The following TULP4 variants were observed in gnomAD, a reference collection of about 807,000 sequenced individuals.
The protein encoded by TULP4 is tubby-related protein 4.
TULP4 carries 16 observed loss-of-function variants against 129.0 expected under a neutral mutation model. The observed-to-expected ratio is 0.12, with a 90% confidence interval of 0.08 to 0.19. TULP4 has a LOEUF of 0.19. Among genes scored for constraint, TULP4 ranks in the 10% least tolerant of loss-of-function variants. The pLI is 1.00. For missense variants in TULP4, 1,842 were observed against 2,059.1 expected (o/e 0.89, Z 2.04); for synonymous variants, 998 against 854.0 (o/e 1.17, Z -2.94).
chr6:158,449,240 G>C lies in TULP4; in HGVS notation c.724+64G>C. 2.0e-6 allele frequency: 3 copies of C among 1,497,898 alleles called. No homozygotes were observed. In the South Asian group the frequency reaches 4.0e-5, roughly 20 times the overall value. The allele number at this position is 1,497,898 out of a possible 1,614,324, so 92.8% of individuals were successfully genotyped here. A position where few individuals can be genotyped will look rare whatever the true frequency, so the allele number is the denominator to read the frequency against. On this transcript the variant is annotated intron_variant, in intron 4 of 13. Coordinates refer to ENST00000367097, the MANE Select transcript of TULP4 (RefSeq NM_020245.5). ...GGACAAGGAAGGGCATCGGAGCAGA[G>C]TAGACTGATGTGGAGGAGGGAGGGT...
At chr6:158,311,929 C>T (rs1183524098), upstream of TULP4, 13 of 391,474 alleles carry the variant, frequency 3.3e-5, no homozygotes, top group Admixed American at 2.7e-4. Flanking sequence ...CAGTCAGTAG[C>T]TCCATTTGAT....
intron 1 of TULP4, among the ~76,000 whole-genome samples, chr6:158,388,564 C>T (rs550733269): frequency 5.3e-5 from 8 of 150,714 alleles, no homozygotes; most frequent in Admixed American, 6.6e-5. Flanking sequence ...CTCCTGACCT[C>T]GTGATCCACC....
At chr6:158,371,677 A>T (rs1250186775) in intron 1 of TULP4, among the ~76,000 whole-genome samples, 5 of 152,230 alleles carry the variant, frequency 3.3e-5, no homozygotes, top group Non-Finnish European at 1.5e-5. Flanking sequence ...AAGGCCAAAT[A>T]CTTTAAGATA....
intron 1 of TULP4, among the ~76,000 whole-genome samples, chr6:158,267,568 CTG>C (rs774350286): frequency 3.3e-4 from 51 of 152,306 alleles, no homozygotes; most frequent in Non-Finnish European, 5.9e-4. Context: ...TGTTAGGCCT[CTG>C]TGTACAGTTA....
At chr6:158,352,121 G>T (rs1353941631) in intron 1 of TULP4, among the ~76,000 whole-genome samples, 1 of 152,064 alleles carries the variant, frequency 6.6e-6, no homozygotes, top group East Asian at 1.9e-4. Context: ...TTCTTTTGGG[G>T]CTGCAGTCTC....
chr6:158,497,935 G>A (rs1243665723), intron 11 of TULP4, among the ~76,000 whole-genome samples: 1 of 152,130 alleles, frequency 6.6e-6, no homozygotes, highest in Non-Finnish European at 1.5e-5. Context: ...AAGTTCACAG[G>A]GCAGTTTCAC....
intron 5 of TULP4, among the ~76,000 whole-genome samples, chr6:158,457,334 C>T (rs528995069): frequency 4.6e-5 from 7 of 152,254 alleles, no homozygotes; most frequent in Non-Finnish European, 1.0e-4. Flanking sequence ...TGGTCCCTGC[C>T]CAGGCCTCTT....
intron 1 of TULP4, among the ~76,000 whole-genome samples, chr6:158,261,883 T>C (rs916051408): frequency 1.3e-5 from 2 of 151,748 alleles, no homozygotes; most frequent in Admixed American, 6.6e-5. Context: ...AAAGAGAGGG[T>C]GGGAAGGGCA....
intron 1 of TULP4, among the ~76,000 whole-genome samples, chr6:158,370,180 G>A (rs953698645): frequency 5.9e-5 from 9 of 152,046 alleles, no homozygotes; most frequent in African/African-American, 9.7e-5. Context: ...CCACTGGCCC[G>A]GCATGGTGGC....
intron 1 of TULP4, among the ~76,000 whole-genome samples, chr6:158,379,011 G>T (rs535581245): frequency 6.6e-6 from 1 of 152,320 alleles, no homozygotes; most frequent in Admixed American, 6.5e-5. Flanking sequence ...TAAGTTTTGT[G>T]TGGGAAGCAG....
chr6:158,366,554 G>A (rs1422078058), intron 1 of TULP4, among the ~76,000 whole-genome samples: 1 of 152,212 alleles, frequency 6.6e-6, no homozygotes, highest in Non-Finnish European at 1.5e-5. Flanking sequence ...CATACTCGGA[G>A]CCATTTGCCT....
At chr6:158,340,091 C>A (rs1219085046) in intron 1 of TULP4, among the ~76,000 whole-genome samples, 3 of 152,112 alleles carry the variant, frequency 2.0e-5, no homozygotes. Flanking sequence ...TCTGCTCGTG[C>A]AAGGTGAGTT....
At chr6:158,337,128 CTTTTTTTT>C (rs34480077) in intron 1 of TULP4, among the ~76,000 whole-genome samples, 8 of 73,852 alleles carry the variant, frequency 1.1e-4, no homozygotes, top group East Asian at 5.3e-4. Context: ...CTTTCTTTCT[CTTTTTTTT>C]TTTTTTTTTT....
chr6:158,330,444 C>G (rs1166192879), intron 1 of TULP4, among the ~76,000 whole-genome samples: 2 of 152,162 alleles, frequency 1.3e-5, no homozygotes, highest in Non-Finnish European at 2.9e-5. Context: ...GAACATTTTG[C>G]TTTATTCTGT....
intron 2 of TULP4, among the ~76,000 whole-genome samples, chr6:158,420,877 G>C (rs536983746): frequency 1.3e-5 from 2 of 152,264 alleles, no homozygotes; most frequent in African/African-American, 4.8e-5. Flanking sequence ...AAATTATAAT[G>C]AAAACATGTC....
rs1401012935 is a variant in TULP4 at position 158,479,958 on chromosome 6, T to C, written c.1234T>C (p.Phe412Leu). 1 of 1,607,046 alleles carries C rather than the reference T, an allele frequency of 6.2e-7. No individual in the cohort carries two copies. Among genetic ancestry groups the C allele is most frequent in the Middle Eastern group, 1.9e-4 (1 of 5,174 alleles). The change falls in exon 7 of 14, where the codon TTC becomes CTC. Residue 412 changes from phenylalanine to leucine, a missense_variant. Physicochemically the swap from Phe to Leu is conservative, Grantham distance 22 (BLOSUM62 0). Transcript: ENST00000367097. ...CCTCTGCTCCTACCTCTCCACTGCC[T>C]TCATCCCCACCATCAAGGTAAAGCC... Reference protein sequence around the residue: ...PRLCSYLSTAFIPTIKPPIPD... With the variant: ...PRLCSYLSTALIPTIKPPIPD...
At position 158,364,880 on chromosome 6, in the gene TULP4, C is replaced by T. The variant is rs554574851; in HGVS notation, c.253-48185C>T. Among the ~76,000 whole-genome samples, 225 of 152,152 alleles carry T rather than the reference C, an allele frequency of 1.5e-3. 1 individual carries two copies. Among genetic ancestry groups the T allele is most frequent in the Non-Finnish European group, 1.9e-3 (131 of 67,992 alleles). ...GCCTTCCGAGTTGTGGGACTACAGG[C>T]GCCCGCCACCACGCCTGGCTAATTT... On this transcript the variant is annotated intron_variant, in intron 1 of 13. Transcript: ENST00000367097.
At chr6:158,315,966 A>G (rs567375004) in intron 1 of TULP4, among the ~76,000 whole-genome samples, 3 of 152,252 alleles carry the variant, frequency 2.0e-5, no homozygotes, top group Non-Finnish European at 2.9e-5. Flanking sequence ...GGGGATGGAA[A>G]CATTCAGATC....
rs951892370 is a variant in TULP4 at position 158,452,392 on chromosome 6, A to T, written c.859+124A>T. 1.8e-5 allele frequency: 24 copies of T among 1,316,606 alleles called. No individual in the cohort carries two copies. The Admixed American group carries it at 5.8e-4, about 32-fold the overall frequency. The allele number at this position is 1,316,606 out of a possible 1,614,324, so 81.6% of individuals were successfully genotyped here. On this transcript the variant is annotated intron_variant, in intron 5 of 13. Coordinates refer to ENST00000367097, the MANE Select transcript of TULP4 (RefSeq NM_020245.5). Reference sequence around the variant, plus strand: ...TCTGTGGTGACACCTTCTGGGCTTCATGGAGTCTGTTAACTAAAGCCACTC... The same window carrying T: ...TCTGTGGTGACACCTTCTGGGCTTCTTGGAGTCTGTTAACTAAAGCCACTC...
Sources: gnomAD v4.1 joint callset for allele counts (sites outside exome capture counted in the v4.1 genomes callset) on GRCh38, gnomAD v4.1.1 for gene constraint, MANE v1.5 for transcripts, NCBI Gene and HGNC (gene_info 2026-07-23, HGNC 2026-07-21) for gene names.